UTP14A: variants seen among roughly 807,000 people sequenced by gnomAD.
UTP14A encodes the protein UTP14A small subunit processome component.
UTP14A carries 5 observed loss-of-function variants against 57.2 expected under a neutral mutation model. That is an observed-to-expected ratio of 0.09 (90% CI 0.05 to 0.18). UTP14A has a LOEUF of 0.18. UTP14A is among the 10% of genes least tolerant of loss of function. The pLI, the probability that UTP14A is intolerant of heterozygous loss-of-function variation, is 1.00. For synonymous variants in UTP14A, 169 were observed against 210.9 expected (o/e 0.80, Z 1.72); for missense variants, 430 against 562.1 (o/e 0.76, Z 2.38).
At chrX:129,927,278 A>G (rs1262032339) in intron 14 of UTP14A, among the ~76,000 whole-genome samples, 1 of 111,394 alleles carries the variant, frequency 9.0e-6, no homozygotes, top group Non-Finnish European at 1.9e-5. Context: ...ATGCAGTAGA[A>G]TAAAGTGCTT....
chrX:129,926,520 T>C (rs994490119), intron 14 of UTP14A, among the ~76,000 whole-genome samples, 181 bp downstream of exon 14: 1 of 111,944 alleles, frequency 8.9e-6, no homozygotes, highest in Non-Finnish European at 1.9e-5. Flanking sequence ...GCTGTTTTAA[T>C]TACTGGCCAG....
chrX:129,929,193 C>A (rs1029778350), intron 14 of UTP14A, 143 bp from the exon 15 acceptor site: 3 of 759,001 alleles, frequency 4.0e-6, no homozygotes, highest in African/African-American at 4.3e-5. Context: ...CAATGGGACG[C>A]CTTGACCTCT....
At chrX:129,927,361 A>G (rs909810105) in intron 14 of UTP14A, among the ~76,000 whole-genome samples, 1 of 111,774 alleles carries the variant, frequency 8.9e-6, no homozygotes, top group African/African-American at 3.3e-5. Flanking sequence ...GCCCTGGTTG[A>G]CAAGCACAGA....
chrX:129,908,191 TAATA>T, intron 3 of UTP14A, 61 bp downstream of exon 3: 1 of 984,390 alleles, frequency 1.0e-6, no homozygotes, highest in Admixed American at 2.7e-5. Context: ...TCTCTGCAGC[TAATA>T]TTTATTGAGT....
intron 4 of UTP14A, among the ~76,000 whole-genome samples, chrX:129,910,660 CA>C (rs1443347712): frequency 5.3e-5 from 6 of 112,281 alleles, no homozygotes. Context: ...GACCCTGTCT[CA>C]AAACAAACAA....
At chrX:129,909,888 G>A (rs1417909523) in intron 4 of UTP14A, among the ~76,000 whole-genome samples, 1 of 112,263 alleles carries the variant, frequency 8.9e-6, no homozygotes, top group Non-Finnish European at 1.9e-5. Context: ...TACTTATTCA[G>A]TGGATATTTA....
intron 6 of UTP14A, among the ~76,000 whole-genome samples, chrX:129,916,369 C>T (rs1301523045): frequency 9.0e-6 from 1 of 111,122 alleles, no homozygotes; most frequent in East Asian, 2.8e-4. Context: ...AAGTAAGCTT[C>T]GCATTTCCTT....
intron 4 of UTP14A, among the ~76,000 whole-genome samples, chrX:129,909,272 C>T (rs1455429194): frequency 3.0e-5 from 3 of 98,613 alleles, no homozygotes; most frequent in African/African-American, 7.7e-5. Context: ...TGCAGTGGTG[C>T]GATCTTGGCT....
intron 6 of UTP14A, among the ~76,000 whole-genome samples, chrX:129,917,777 C>T (rs1309237284): frequency 9.0e-6 from 1 of 110,792 alleles, no homozygotes; most frequent in African/African-American, 3.3e-5. Flanking sequence ...AGCAATCCTC[C>T]TGCCTCAGCC....
intron 2 of UTP14A, among the ~76,000 whole-genome samples, 182 bp downstream of exon 2, chrX:129,907,624 C>T (rs897952208): frequency 1.8e-5 from 2 of 112,369 alleles, no homozygotes; most frequent in Non-Finnish European, 3.8e-5. Flanking sequence ...AACTAAGTTA[C>T]AATCACTACC....
rs377587149 is a variant in UTP14A at position 129,924,968 on chromosome X, G to A, written c.1522G>A (p.Val508Ile). 1.7e-6 allele frequency: 2 copies of A among 1,211,619 alleles called. No homozygotes were observed. The highest frequency in any genetic ancestry group is 2.2e-6 in the Non-Finnish European group (2 of 895,547). Residue 508 changes from valine to isoleucine, a missense_variant, in exon 12 of 15, where the codon GTA becomes ATA. By Grantham distance (29) the Val-to-Ile change is conservative. This residue lies in a region of UTP14A where 120 missense variants were observed against 116.8 expected (regional missense o/e 1.03). Transcript: ENST00000394422. ...CCTGTTGCTACAGAGACCAGAGAGA[G>A]TACAGACGCTGGAAGAGCTAGAAGA... ...EPLLLQRPER[V>I]QTLEELEELG...
chrX:129,919,726 C>G (rs12013574), intron 8 of UTP14A, among the ~76,000 whole-genome samples: 22,184 of 111,557 alleles, frequency 0.2, 2,363 homozygotes, highest in African/African-American at 0.41. Context: ...TCTGCAGAAT[C>G]AGCTCTGAAT....
chrX:129,910,890 T>C, intron 4 of UTP14A, 118 bp from the exon 5 acceptor site: 1 of 915,062 alleles, frequency 1.1e-6, no homozygotes. Flanking sequence ...AAGAGAATTA[T>C]TCTTGCTTCT....
intron 10 of UTP14A, 81 bp from the exon 11 acceptor site, chrX:129,921,113 G>A (rs1358175813): frequency 1.2e-4 from 136 of 1,139,893 alleles, no homozygotes; most frequent in Non-Finnish European, 1.4e-4. Context: ...TTGAGAGGAG[G>A]CAGCTTTATG....
chrX:129,919,606 C>A, intron 8 of UTP14A, 117 bp downstream of exon 8: 1 of 811,590 alleles, frequency 1.2e-6, no homozygotes. Flanking sequence ...GATGAGGTCC[C>A]AAACAGGAGT....
At chrX:129,909,273 G>A (rs1373822524) in intron 4 of UTP14A, among the ~76,000 whole-genome samples, 2 of 102,158 alleles carry the variant, frequency 2.0e-5, no homozygotes, top group African/African-American at 3.6e-5. Flanking sequence ...GCAGTGGTGC[G>A]ATCTTGGCTC....
chrX:129,908,406 C>T, intron 3 of UTP14A: 1 of 408,521 alleles, frequency 2.4e-6, no homozygotes, highest in Non-Finnish European at 4.2e-6. Context: ...TCACCTGGCT[C>T]ATAAGTTACA....
At chrX:129,919,086 T>C in intron 6 of UTP14A, 89 bp from the exon 7 acceptor site, 1 of 1,159,615 alleles carries the variant, frequency 8.6e-7, no homozygotes. Context: ...CCAATTATAG[T>C]GTCATAAGTT....
At chrX:129,913,708 T>C (rs1929566158) in intron 6 of UTP14A, among the ~76,000 whole-genome samples, 1 of 112,252 alleles carries the variant, frequency 8.9e-6, no homozygotes, top group African/African-American at 3.2e-5. Flanking sequence ...GGGCCGGGTG[T>C]GGTGGCTCAC....
Sources: allele counts gnomAD v4.1 joint callset (sites outside exome capture counted in the v4.1 genomes callset), GRCh38; gene constraint gnomAD v4.1.1; regional missense constraint gnomAD v4.1.1; transcripts MANE v1.5; gene names NCBI Gene and HGNC (gene_info 2026-07-23, HGNC 2026-07-21).